Variants in THUMPD2 observed in about 807,000 individuals in gnomAD.
THUMPD2 encodes U6 snRNA (guanine-N(2))-methyltransferase THUMPD2.
Under a neutral mutation model 49.4 loss-of-function variants are expected in THUMPD2, and 56 were observed. That is an observed-to-expected ratio of 1.13 (90% confidence interval 0.91 to 1.41). THUMPD2 has a LOEUF of 1.41. Ranked by LOEUF, THUMPD2 falls within the 40% of genes most tolerant of loss-of-function variation. The pLI, the probability that THUMPD2 is intolerant of heterozygous loss-of-function variation, is 0.00. For missense variants in THUMPD2, 709 were observed against 594.5 expected, an observed-to-expected ratio of 1.19 and a Z score of -2.00; for synonymous variants, 237 against 205.2, an observed-to-expected ratio of 1.15 and a Z score of -1.32.
At chr2:39,773,054 A>C (rs1678545955) in intron 1 of THUMPD2, among the ~76,000 whole-genome samples, 1 of 152,210 alleles carries the variant, frequency 6.6e-6, no homozygotes, top group Non-Finnish European at 1.5e-5. Context: ...GAATGAAAAG[A>C]ATGTTTAGGA....
At chr2:39,754,158 A>G (rs553639001) in intron 8 of THUMPD2, among the ~76,000 whole-genome samples, 4 of 152,308 alleles carry the variant, frequency 2.6e-5, no homozygotes, top group African/African-American at 9.6e-5. Context: ...CTCTGGAACA[A>G]TTTAGGAACC....
At chr2:39,774,162 G>A (rs977592602) in intron 1 of THUMPD2, among the ~76,000 whole-genome samples, 1 of 152,246 alleles carries the variant, frequency 6.6e-6, no homozygotes, top group African/African-American at 2.4e-5. Flanking sequence ...GCTAGTTCCC[G>A]CCTTGTGCCC....
rs1558477239 is a variant in THUMPD2 at position 39,736,538 on chromosome 2, C to G, written c.*197G>C. On this transcript the variant is annotated 3_prime_UTR_variant, in exon 10 of 10. Transcript: ENST00000505747. The stretch of plus-strand genomic sequence containing the variant: ...CTAAAAAATATTCGATAACTTTTTT[C>G]TCAAAAACATTAAGTACTTTAGAAT... 4.6e-6 allele frequency: 2 copies of G among 439,512 alleles called. No individual in the cohort carries two copies. Among genetic ancestry groups the G allele is most frequent in the Non-Finnish European group, 7.9e-6 (2 of 252,346 alleles). The allele number at this position is 439,512 out of a possible 1,614,324, so 27.2% of individuals were successfully genotyped here.
chr2:39,765,599 GATC>G (rs1390233775), intron 5 of THUMPD2, among the ~76,000 whole-genome samples: 1 of 151,710 alleles, frequency 6.6e-6, no homozygotes, highest in African/African-American at 2.4e-5. Flanking sequence ...TTGTCTTGGT[GATC>G]ATCAATAATT....
rs565797455 is a variant in THUMPD2, at chr2:39,777,902, C to G, written c.126+1212G>C. On this transcript the variant is annotated intron_variant, in intron 1 of 9. Coordinates refer to ENST00000505747, the MANE Select transcript of THUMPD2 (RefSeq NM_025264.5). ...AATCCTACATATTAATTGGGCCAAG[C>G]TCTCTCTCTCTTTCATACCAAGCAC... is the stretch of plus-strand genomic sequence containing the variant. 2.6e-5 allele frequency among the ~76,000 whole-genome samples: 4 copies of G among 152,014 alleles called. No individual in the cohort carries two copies. The South Asian group carries it at 6.2e-4, about 24-fold the overall frequency.
intron 9 of THUMPD2, among the ~76,000 whole-genome samples, chr2:39,744,104 C>T (rs1260777807): frequency 6.6e-6 from 1 of 150,586 alleles, no homozygotes; most frequent in Non-Finnish European, 1.5e-5. Context: ...AGACCACTGA[C>T]TGAAATATAG....
chr2:39,755,812 G>A, intron 7 of THUMPD2, 77 bp downstream of exon 7: 2 of 1,196,578 alleles, frequency 1.7e-6, no homozygotes, highest in Non-Finnish European at 1.2e-6. Context: ...CATTCTACTT[G>A]TAAATAATTG....
intron 5 of THUMPD2, among the ~76,000 whole-genome samples, chr2:39,765,610 A>G (rs1677410178): frequency 6.6e-6 from 1 of 152,074 alleles, no homozygotes; most frequent in Non-Finnish European, 1.5e-5. Context: ...ATCATCAATA[A>G]TTATACTTAA....
chr2:39,770,483 A>C (rs985950582), intron 2 of THUMPD2, among the ~76,000 whole-genome samples: 10 of 152,126 alleles, frequency 6.6e-5, no homozygotes, highest in Admixed American at 3.9e-4. Context: ...ATAAAAATTA[A>C]GTTTTTATAA....
At chr2:39,775,414 T>C (rs1359896890) in intron 1 of THUMPD2, among the ~76,000 whole-genome samples, 2 of 152,120 alleles carry the variant, frequency 1.3e-5, no homozygotes, top group African/African-American at 2.4e-5. Flanking sequence ...AAGGTGTTGT[T>C]TGAGTTTGTT....
At chr2:39,769,027 C>G (rs1677932630) in intron 3 of THUMPD2, 2 of 1,304,708 alleles carry the variant, frequency 1.5e-6, no homozygotes, top group Admixed American at 2.3e-5. Flanking sequence ...GTTCGCTCTT[C>G]TCTACATTGC....
At chr2:39,753,835 T>G (rs1470174358) in intron 8 of THUMPD2, among the ~76,000 whole-genome samples, 2 of 152,196 alleles carry the variant, frequency 1.3e-5, no homozygotes. Context: ...GGATTATAAC[T>G]AGAGTTGCAA....
At chr2:39,745,781 A>G (rs1674499938) in intron 8 of THUMPD2, among the ~76,000 whole-genome samples, 1 of 152,198 alleles carries the variant, frequency 6.6e-6, no homozygotes, top group Admixed American at 6.5e-5. Context: ...TAAATTTAGA[A>G]GTTGAATACA....
intron 4 of THUMPD2, among the ~76,000 whole-genome samples, chr2:39,767,726 A>AT (rs1242139580): frequency 2.0e-5 from 3 of 151,948 alleles, no homozygotes; most frequent in African/African-American, 4.8e-5. Flanking sequence ...ACCAGGTATT[A>AT]TTTTTTTAAA....
intron 1 of THUMPD2, among the ~76,000 whole-genome samples, chr2:39,773,847 C>T (rs1443649760): frequency 6.6e-6 from 1 of 152,022 alleles, no homozygotes; most frequent in Non-Finnish European, 1.5e-5. Flanking sequence ...CATTATTCTA[C>T]GAATTATCAT....
chr2:39,751,681 A>ATTTTTTTTTT (rs11284104), intron 8 of THUMPD2, among the ~76,000 whole-genome samples: 2 of 119,970 alleles, frequency 1.7e-5, no homozygotes, highest in Non-Finnish European at 3.3e-5. Context: ...ATATTAAAAG[A>ATTTTTTTTTT]TTTTTTTTTT....
chr2:39,767,582 C>T (rs1222875406), intron 4 of THUMPD2, among the ~76,000 whole-genome samples: 3 of 110,110 alleles, frequency 2.7e-5, no homozygotes, highest in Admixed American at 1.4e-4. Flanking sequence ...CCAGCCTGGG[C>T]GACAGAGCGA....
At chr2:39,744,589 T>C (rs1022465487) in intron 8 of THUMPD2, 111 bp from the exon 9 acceptor site, 22 of 641,358 alleles carry the variant, frequency 3.4e-5, no homozygotes, top group Middle Eastern at 8.6e-4. Context: ...GATTAACATT[T>C]AGGGTTGCTA....
chr2:39,770,172 T>C, intron 2 of THUMPD2, 53 bp from the exon 3 acceptor site: 1 of 1,267,772 alleles, frequency 7.9e-7, no homozygotes, highest in South Asian at 2.1e-5. Context: ...AGACCATCTA[T>C]TACAATCATC....
Sources: allele counts gnomAD v4.1 joint callset (sites outside exome capture counted in the v4.1 genomes callset), GRCh38; gene constraint gnomAD v4.1.1; transcripts MANE v1.5; gene names NCBI Gene and HGNC (gene_info 2026-07-23, HGNC 2026-07-21).